UNC13C: variants seen among roughly 807,000 people sequenced by gnomAD.
UNC13C encodes the protein unc-13 homolog C.
UNC13C carries 174 observed loss-of-function variants against 245.4 expected under a neutral mutation model. The ratio of observed to expected loss-of-function variants is 0.71; its 90% CI spans 0.63 to 0.80. UNC13C has a LOEUF of 0.80. UNC13C is among the 30% of genes least tolerant of loss of function. The pLI, the probability that UNC13C is intolerant of heterozygous loss-of-function variation, is 0.00. For missense variants in UNC13C, 2,829 were observed against 2,602.9 expected (o/e 1.09, Z -1.89); for synonymous variants, 992 against 895.1 (o/e 1.11, Z -1.93).
At chr15:54,282,883 A>G (rs1567158649) in intron 10 of UNC13C, among the ~76,000 whole-genome samples, 1 of 152,162 alleles carries the variant, frequency 6.6e-6, no homozygotes, top group East Asian at 1.9e-4. Context: ...CTCTCCCTCA[A>G]GGTCAGGCCG....
At chr15:54,204,664 A>C (rs1396073772) in intron 4 of UNC13C, among the ~76,000 whole-genome samples, 1 of 152,066 alleles carries the variant, frequency 6.6e-6, no homozygotes, top group Non-Finnish European at 1.5e-5. Context: ...AATCTTAAGA[A>C]AAAGAACAAG....
intron 30 of UNC13C, among the ~76,000 whole-genome samples, chr15:54,601,438 T>C (rs1899417835): frequency 6.6e-6 from 1 of 152,128 alleles, no homozygotes; most frequent in East Asian, 1.9e-4. Flanking sequence ...GAGAAGACCC[T>C]AGGGGAACAG....
At chr15:53,875,329 C>T in the UNC13C span, among the ~76,000 whole-genome samples, 1 of 152,076 alleles carries the variant, frequency 6.6e-6, no homozygotes, top group Non-Finnish European at 1.5e-5. Context: ...TGATGGCAGA[C>T]TAGCGCAAGA....
chr15:54,132,113 C>T (rs1451886261), intron 2 of UNC13C, among the ~76,000 whole-genome samples: 1 of 88,710 alleles, frequency 1.1e-5, no homozygotes, highest in African/African-American at 6.0e-5. Flanking sequence ...GTCACCCAGG[C>T]TGGAGTGCAG....
chr15:54,082,451 G>C (rs1899000511), intron 2 of UNC13C, among the ~76,000 whole-genome samples: 1 of 152,014 alleles, frequency 6.6e-6, no homozygotes, highest in East Asian at 1.9e-4. Flanking sequence ...TTTCTTATGT[G>C]CTTTGTTCAT....
chr15:53,880,799 A>G, the UNC13C span, among the ~76,000 whole-genome samples: 1 of 151,230 alleles, frequency 6.6e-6, no homozygotes, highest in Non-Finnish European at 1.5e-5. Flanking sequence ...GATGGCAATT[A>G]TTGCTTACTG....
chr15:53,851,596 GAT>G, the UNC13C span, among the ~76,000 whole-genome samples: 1 of 152,092 alleles, frequency 6.6e-6, no homozygotes, highest in African/African-American at 2.4e-5. Flanking sequence ...ACTCTAACCT[GAT>G]TGTGGGTCAT....
At chr15:54,633,209 A>G (rs1432694852), downstream of UNC13C, 2 of 152,184 alleles carry the variant, frequency 1.3e-5, no homozygotes, top group Non-Finnish European at 2.9e-5. Context: ...CTGAGAACTT[A>G]TTAAATCCAT....
the UNC13C span, among the ~76,000 whole-genome samples, chr15:53,877,889 C>A: frequency 6.6e-6 from 1 of 152,140 alleles, no homozygotes; most frequent in African/African-American, 2.4e-5. Context: ...ACTATAGATT[C>A]ATTTGGACAT....
At chr15:53,867,765 C>T in the UNC13C span, among the ~76,000 whole-genome samples, 9 of 152,160 alleles carry the variant, frequency 5.9e-5, no homozygotes, top group Non-Finnish European at 1.2e-4. Context: ...AAAATAATAA[C>T]TTTTGCATTA....
chr15:53,854,122 G>GTTTTTTTTTT, the UNC13C span, among the ~76,000 whole-genome samples: 1,575 of 133,222 alleles, frequency 0.012, 51 homozygotes, highest in Non-Finnish European at 0.015. Context: ...GTTTTTATAG[G>GTTTTTTTTTT]TTTTTTTTTT....
intron 27 of UNC13C, among the ~76,000 whole-genome samples, chr15:54,547,483 G>A (rs1004123868): frequency 3.3e-5 from 5 of 152,206 alleles, no homozygotes; most frequent in Non-Finnish European, 7.4e-5. Context: ...CACCTGTTAC[G>A]GGGCAATGTA....
At position 53,978,690 on chromosome 15, in the gene UNC13C, A is replaced by T. The variant is rs1893800160; in HGVS notation, c.-494A>T. On this transcript the variant is annotated 5_prime_UTR_variant, in exon 1 of 33. Transcript: ENST00000260323. Reference sequence around the variant, plus strand: ...TTCGGAGGCTACCCGGGAGTGCGATAGAATTGACAAGAAAAGAACAGACAC... The same window carrying T: ...TTCGGAGGCTACCCGGGAGTGCGATTGAATTGACAAGAAAAGAACAGACAC... Among the ~76,000 whole-genome samples, 3 of 152,176 alleles carry T rather than the reference A, an allele frequency of 2.0e-5. No individual in the cohort carries two copies. The highest frequency in any genetic ancestry group is 4.8e-5 in the African/African-American group (2 of 41,448).
At chr15:54,030,799 T>C (rs753952173) in intron 2 of UNC13C, among the ~76,000 whole-genome samples, 5 of 152,206 alleles carry the variant, frequency 3.3e-5, no homozygotes, top group Non-Finnish European at 7.3e-5. Context: ...TGTCCTCAGG[T>C]GGCAGAAGGA....
chr15:54,415,469 C>T (rs2040499725), intron 19 of UNC13C, among the ~76,000 whole-genome samples: 1 of 152,116 alleles, frequency 6.6e-6, no homozygotes, highest in South Asian at 2.1e-4. Context: ...CAAGTTTGCT[C>T]AAGAACAATG....
intron 18 of UNC13C, among the ~76,000 whole-genome samples, chr15:54,408,603 C>T (rs1163660724): frequency 6.6e-6 from 1 of 152,070 alleles, no homozygotes; most frequent in Non-Finnish European, 1.5e-5. Context: ...TTCAGCTTCA[C>T]AGGCTGTATG....
intron 2 of UNC13C, among the ~76,000 whole-genome samples, chr15:54,098,204 T>G (rs1438357701): frequency 3.3e-5 from 5 of 152,154 alleles, no homozygotes; most frequent in Non-Finnish European, 5.9e-5. Flanking sequence ...AGATGGAGTC[T>G]TGCTGTGTTG....
At chr15:54,552,591 CAATATAT>C (rs1251141065) in intron 28 of UNC13C, among the ~76,000 whole-genome samples, 3 of 16,258 alleles carry the variant, frequency 1.8e-4, no homozygotes, top group Non-Finnish European at 3.4e-4. Context: ...TTATATTGTA[CAATATAT>C]AATATATAAT....
chr15:54,446,864 G>A (rs1285696090), intron 19 of UNC13C, among the ~76,000 whole-genome samples: 1 of 152,156 alleles, frequency 6.6e-6, no homozygotes, highest in African/African-American at 2.4e-5. Context: ...TCCCTGTCTT[G>A]TGCCAGTTTT....
Sources: gnomAD v4.1 joint callset for allele counts (sites outside exome capture counted in the v4.1 genomes callset) on GRCh38, gnomAD v4.1.1 for gene constraint, MANE v1.5 for transcripts, NCBI Gene and HGNC (gene_info 2026-07-23, HGNC 2026-07-21) for gene names.